The following DMD variants were observed in gnomAD, a reference collection of about 807,000 sequenced individuals.
DMD encodes the protein mutant dystrophin.
DMD carries 63 observed loss-of-function variants against 330.1 expected under a neutral mutation model. The observed-to-expected ratio is 0.19, with a 90% CI of 0.16 to 0.24. The LOEUF (loss-of-function observed/expected upper bound fraction) is 0.24, where lower values mean the gene tolerates loss of function less well. Among genes scored for constraint, DMD ranks in the 10% least tolerant of loss-of-function variants. The pLI is 1.00. For missense variants in DMD, 3,344 were observed against 2,684.1 expected, an observed-to-expected ratio of 1.25 and a Z score of -5.43; for synonymous variants, 1,223 against 959.8, an observed-to-expected ratio of 1.27 and a Z score of -5.07.
intron 43 of DMD, among the ~76,000 whole-genome samples, chrX:32,276,166 AG>A (rs1376517621): frequency 2.7e-5 from 3 of 112,220 alleles, no homozygotes; most frequent in Non-Finnish European, 5.6e-5. Flanking sequence ...CTGTGCACGG[AG>A]GGAATATTTG....
chrX:33,229,242 G>A (rs967992105), intron 1 of DMD, among the ~76,000 whole-genome samples: 1 of 110,712 alleles, frequency 9.0e-6, no homozygotes, highest in Non-Finnish European at 1.9e-5. Context: ...TCTTTTTTAT[G>A]GATTGTGCTA....
intron 7 of DMD, among the ~76,000 whole-genome samples, chrX:32,734,985 G>T (rs373797176): frequency 9.0e-6 from 1 of 110,856 alleles, no homozygotes; most frequent in Non-Finnish European, 1.9e-5. Flanking sequence ...GACCCTGTTT[G>T]CAGATGACAT....
intron 44 of DMD, among the ~76,000 whole-genome samples, chrX:32,048,350 T>G (rs1357236696): frequency 2.9e-5 from 3 of 102,400 alleles, no homozygotes; most frequent in Admixed American, 1.2e-4. Flanking sequence ...TGCTTTTAAA[T>G]TTTTTTTTTC....
chrX:33,039,273 C>G (rs1231824227), intron 1 of DMD, among the ~76,000 whole-genome samples: 1 of 111,298 alleles, frequency 9.0e-6, no homozygotes, highest in Non-Finnish European at 1.9e-5. Flanking sequence ...TTCGAACTCC[C>G]TGGTGACTGC....
At chrX:32,153,747 A>G (rs2096817035) in intron 44 of DMD, among the ~76,000 whole-genome samples, 1 of 111,696 alleles carries the variant, frequency 9.0e-6, no homozygotes, top group Non-Finnish European at 1.9e-5. Flanking sequence ...TTAGATATTT[A>G]TAGCTTTACG....
intron 44 of DMD, among the ~76,000 whole-genome samples, chrX:32,211,371 T>C (rs747363641): frequency 2.7e-5 from 3 of 112,250 alleles, no homozygotes; most frequent in African/African-American, 9.7e-5. Context: ...GTATGCTCAA[T>C]GACAATGAAT....
At chrX:32,701,865 CAT>C (rs1182075977) in intron 7 of DMD, among the ~76,000 whole-genome samples, 1 of 111,576 alleles carries the variant, frequency 9.0e-6, no homozygotes, top group African/African-American at 3.3e-5. Context: ...TTACATAAAA[CAT>C]GTGGACTAAA....
chrX:31,722,639 A>C (rs1476432867), intron 52 of DMD, among the ~76,000 whole-genome samples: 8 of 111,526 alleles, frequency 7.2e-5, no homozygotes, highest in Non-Finnish European at 1.3e-4. Flanking sequence ...ATCCTCAGCT[A>C]AAGAGTTTCT....
At chrX:33,270,495 C>T (rs1390177582) in intron 1 of DMD, among the ~76,000 whole-genome samples, 1 of 110,750 alleles carries the variant, frequency 9.0e-6, no homozygotes, top group Non-Finnish European at 1.9e-5. Context: ...GGTCCTTCTG[C>T]TTTTGCAATA....
At chrX:32,909,265 A>T (rs757888763) in intron 2 of DMD, among the ~76,000 whole-genome samples, 1 of 111,002 alleles carries the variant, frequency 9.0e-6, no homozygotes, top group East Asian at 2.8e-4. Flanking sequence ...TGCTATAAGA[A>T]TTTCTTACAA....
chrX:31,924,628 T>C (rs754533714), intron 47 of DMD, among the ~76,000 whole-genome samples: 8 of 112,072 alleles, frequency 7.1e-5, no homozygotes, highest in Non-Finnish European at 1.1e-4. Context: ...TTATTATCAA[T>C]ATTACAAAAA....
chrX:32,342,815 A>G, intron 40 of DMD: 1 of 368,479 alleles, frequency 2.7e-6, no homozygotes, highest in South Asian at 2.6e-5. Flanking sequence ...AACATGAGTA[A>G]GAAGTCGTCC....
intron 51 of DMD, among the ~76,000 whole-genome samples, chrX:31,748,909 T>C (rs1452880551): frequency 9.0e-6 from 1 of 111,561 alleles, no homozygotes; most frequent in Non-Finnish European, 1.9e-5. Context: ...TTTTCTCTTT[T>C]ACATCGTAAC....
chrX:31,478,338 C>T lies in DMD; in HGVS notation c.8705G>A (p.Arg2902Gln), dbSNP rs754308757. ...PPEERAQNVT[R>Q]LLRKQAEEVN... ...CTCCTCAGCCTGCTTTCGTAGAAGC[C>T]GAGTGACATTCTGGGCTCTCTCCTC... Residue 2902 changes from arginine to glutamine, a missense_variant, in exon 59 of 79, where the codon CGG becomes CAG. By Grantham distance (43) the Arg-to-Gln change is conservative. Coordinates refer to ENST00000357033, the MANE Select transcript of DMD (RefSeq NM_004006.3). 1.5e-5 allele frequency: 18 copies of T among 1,209,525 alleles called. No individual in the cohort carries two copies. Among genetic ancestry groups the T allele is most frequent in the East Asian group, 1.2e-4 (4 of 33,754 alleles).
At chrX:32,984,258 T>G (rs1480531989) in intron 2 of DMD, among the ~76,000 whole-genome samples, 1 of 111,923 alleles carries the variant, frequency 8.9e-6, no homozygotes, top group African/African-American at 3.3e-5. Context: ...TGCTATTTAT[T>G]TATTTACTTA....
At chrX:32,222,140 T>G (rs2147904717) in intron 43 of DMD, among the ~76,000 whole-genome samples, 1 of 112,150 alleles carries the variant, frequency 8.9e-6, no homozygotes, top group East Asian at 2.8e-4. Context: ...TTAGATCTAC[T>G]TTTAGTTCTT....
At chrX:32,712,673 T>C (rs1406171588) in intron 7 of DMD, among the ~76,000 whole-genome samples, 1 of 111,567 alleles carries the variant, frequency 9.0e-6, no homozygotes, top group East Asian at 2.8e-4. Flanking sequence ...TTATACTTTG[T>C]ATATTCATTG....
At chrX:33,004,063 T>A (rs1310143846) in intron 2 of DMD, among the ~76,000 whole-genome samples, 1 of 112,352 alleles carries the variant, frequency 8.9e-6, no homozygotes, top group Non-Finnish European at 1.9e-5. Flanking sequence ...AGAGAAAATC[T>A]AGGCCAACAT....
intron 44 of DMD, among the ~76,000 whole-genome samples, chrX:32,029,092 A>G (rs2095866501): frequency 9.0e-6 from 1 of 110,664 alleles, no homozygotes; most frequent in Non-Finnish European, 1.9e-5. Context: ...CGGATAGTAA[A>G]TTATATGCCA....
Sources: gnomAD v4.1 joint callset for allele counts (sites outside exome capture counted in the v4.1 genomes callset) on GRCh38, gnomAD v4.1.1 for gene constraint, MANE v1.5 for transcripts, NCBI Gene and HGNC (gene_info 2026-07-23, HGNC 2026-07-21) for gene names.